MYH13: variants seen among roughly 807,000 people sequenced by gnomAD.
MYH13 encodes myosin-13.
In MYH13, 177 loss-of-function variants were observed where a neutral mutation model predicts 232.1. The ratio of observed to expected loss-of-function variants is 0.76; its 90% CI spans 0.67 to 0.86. The LOEUF is 0.86. Among genes scored for constraint, MYH13 ranks in the 40% least tolerant of loss-of-function variants. The probability of loss-of-function intolerance (pLI) is 0.00; values close to 1 mark genes in which losing one functional copy is unlikely to be tolerated. For synonymous variants in MYH13, 884 were observed against 923.5 expected, an observed-to-expected ratio of 0.96 and a Z score of 0.78; for missense variants, 2,246 against 2,405.9, an observed-to-expected ratio of 0.93 and a Z score of 1.39.
intron 18 of MYH13, among the ~76,000 whole-genome samples, chr17:10,336,419 G>C (rs1017877072): frequency 2.6e-5 from 4 of 152,106 alleles, no homozygotes; most frequent in African/African-American, 9.7e-5. Context: ...CTTGGCCTCT[G>C]TGGGCAGTGG....
intron 22 of MYH13, among the ~76,000 whole-genome samples, chr17:10,326,121 G>C (rs1473578214): frequency 1.3e-5 from 2 of 152,212 alleles, no homozygotes; most frequent in Non-Finnish European, 2.9e-5. Flanking sequence ...TTTTTCAATA[G>C]CTGGATGAGG....
chr17:10,326,318 T>C (rs925807848), intron 22 of MYH13, among the ~76,000 whole-genome samples: 4 of 152,156 alleles, frequency 2.6e-5, no homozygotes, highest in African/African-American at 9.7e-5. Flanking sequence ...ACTATAGTGA[T>C]TGGGAAAGTG....
In MYH13 at chr17:10,362,474, G is replaced by T. The variant is rs1056173087; in HGVS notation, c.234C>A (p.Phe78Leu). The T allele has an allele frequency of 4.3e-6, 7 of 1,614,168 alleles. No individual in the cohort carries two copies. Among genetic ancestry groups the T allele is most frequent in the Non-Finnish European group, 5.9e-6 (7 of 1,180,028 alleles). Residue 78 changes from phenylalanine (F) to leucine (L), a missense_variant, in exon 4 of 41, where the codon TTC (phenylalanine) becomes TTA (leucine). Coordinates refer to ENST00000252172, the MANE Select transcript of MYH13 (RefSeq NM_003802.3). ...TGTCAAATTTGGGAGGGTTCATGGG[G>T]AAGACCTGGTCATTGTTCAGAGTGA... ...RMLTLNNDQVFPMNPPKFDKI... is the reference protein window; with the variant it reads ...RMLTLNNDQVLPMNPPKFDKI...
At chr17:10,322,573 A>G (rs1180392956) in intron 23 of MYH13, among the ~76,000 whole-genome samples, 1 of 151,084 alleles carries the variant, frequency 6.6e-6, no homozygotes, top group African/African-American at 2.4e-5. Context: ...GAATCTGGCC[A>G]TATTTTCTTT....
At chr17:10,311,023 G>GC in intron 33 of MYH13, 80 bp downstream of exon 33, 1 of 1,559,130 alleles carries the variant, frequency 6.4e-7, no homozygotes, top group South Asian at 1.2e-5. Flanking sequence ...GGCAGGAAAG[G>GC]CCCCATGGGG....
intron 11 of MYH13, among the ~76,000 whole-genome samples, chr17:10,351,661 G>T (rs1158326365): frequency 6.6e-6 from 1 of 152,176 alleles, no homozygotes; most frequent in Non-Finnish European, 1.5e-5. Flanking sequence ...CATACAGGGA[G>T]GGTGTGATAA....
intron 7 of MYH13, among the ~76,000 whole-genome samples, chr17:10,358,246 G>A (rs1243425458): frequency 6.6e-6 from 1 of 152,104 alleles, no homozygotes; most frequent in Non-Finnish European, 1.5e-5. Flanking sequence ...AGCGACCCAG[G>A]GGATGATACA....
intron 35 of MYH13, among the ~76,000 whole-genome samples, chr17:10,307,905 C>G (rs1214356098): frequency 6.6e-6 from 1 of 152,010 alleles, no homozygotes; most frequent in Admixed American, 6.6e-5. Context: ...AATAGTCTTT[C>G]TAAAAGTAAA....
chr17:10,357,156 T>A (rs1211870283), intron 8 of MYH13, among the ~76,000 whole-genome samples: 1 of 152,124 alleles, frequency 6.6e-6, no homozygotes, highest in Non-Finnish European at 1.5e-5. Flanking sequence ...GAGATGGGGT[T>A]TCGTCATGCT....
At position 10,359,651 on chromosome 17, in the gene MYH13, G is replaced by T. The variant is rs186973528; in HGVS notation, c.645+309C>A. ...ACTGGTCCCTGGTATCCAAAGTGGG[G>T]TCAGTTTTGCAGGACTGAGCCCTTA... On this transcript the variant is annotated intron_variant, in intron 7 of 40. Transcript: ENST00000252172. Among the ~76,000 whole-genome samples the T allele has an allele frequency of 3.3e-5, 5 of 152,286 alleles. No homozygotes were observed. The East Asian group carries it at 5.8e-4, about 18-fold the overall frequency.
At chr17:10,359,767 G>A (rs1463075367) in intron 7 of MYH13, among the ~76,000 whole-genome samples, 193 bp downstream of exon 7, 2 of 152,136 alleles carry the variant, frequency 1.3e-5, no homozygotes, top group Non-Finnish European at 2.9e-5. Context: ...GAGAATTAGA[G>A]AATTGTTTGG....
At chr17:10,346,201 C>T (rs759967831) in intron 13 of MYH13, among the ~76,000 whole-genome samples, 2 of 152,148 alleles carry the variant, frequency 1.3e-5, no homozygotes, top group Admixed American at 6.5e-5. Context: ...CCTGGCCACA[C>T]TTAATTAGAC....
intron 35 of MYH13, 129 bp downstream of exon 35, chr17:10,309,104 TG>T: frequency 1.1e-6 from 1 of 910,014 alleles, no homozygotes; most frequent in Non-Finnish European, 1.6e-6. Flanking sequence ...ACCACTAGTC[TG>T]GGAGAAACCG....
rs1907329394 is a variant in MYH13, at chr17:10,329,228, G to C, written c.2436-1107C>G. Among the ~76,000 whole-genome samples the C allele has an allele frequency of 2.0e-5, 3 of 152,240 alleles. No individual in the cohort carries two copies. The East Asian group carries it at 5.8e-4, about 29-fold the overall frequency. On this transcript the variant is annotated intron_variant, in intron 21 of 40. Transcript: ENST00000252172. ...CTCTGACAGTTAGAGCCACACAGGGGATCAGGGAACCAGGGAGAACAGGCT... is the reference window on the plus strand; with the variant it reads ...CTCTGACAGTTAGAGCCACACAGGGCATCAGGGAACCAGGGAGAACAGGCT...
intron 8 of MYH13, among the ~76,000 whole-genome samples, chr17:10,356,567 T>C (rs527625931): frequency 8.8e-4 from 134 of 152,332 alleles, no homozygotes; most frequent in African/African-American, 3.1e-3. Flanking sequence ...AGGAGTTTAT[T>C]TGGGCACTGG....
chr17:10,343,346 T>C (rs1208452416), intron 16 of MYH13, among the ~76,000 whole-genome samples: 1 of 152,038 alleles, frequency 6.6e-6, no homozygotes, highest in Non-Finnish European at 1.5e-5. Flanking sequence ...TACAGGTATG[T>C]GCCACCACAC....
chr17:10,317,254 A>G (rs1906749166), intron 27 of MYH13, among the ~76,000 whole-genome samples: 1 of 152,130 alleles, frequency 6.6e-6, no homozygotes, highest in Non-Finnish European at 1.5e-5. Context: ...GGAGGGGAAC[A>G]TTTACAGAAC....
chr17:10,338,805 A>G (rs1327925087), intron 18 of MYH13, among the ~76,000 whole-genome samples: 2 of 150,154 alleles, frequency 1.3e-5, no homozygotes, highest in South Asian at 2.1e-4. Context: ...GGTTCACGCC[A>G]TTCTCCTGCC....
Position 10,315,993 on chromosome 17 carries a change from T to A in MYH13, c.3771A>T (p.Glu1257Asp). ...SNIERTCRTV[E>D]DQFSEIKAKD... ...TGGCTTTGATTTCACTAAATTGATC[T>A]TCTACCGTCCGGCACGTTCTTTCTA... The change falls in exon 28 of 41, where the codon GAA becomes GAT. Residue 1257 changes from glutamate to aspartate, a missense_variant. Glu to Asp is a conservative substitution (Grantham distance 45). Coordinates refer to ENST00000252172, the MANE Select transcript of MYH13 (RefSeq NM_003802.3). The A allele has an allele frequency of 6.2e-7, 1 of 1,614,056 alleles. No homozygotes were observed. The highest frequency in any genetic ancestry group is 8.5e-7 in the Non-Finnish European group (1 of 1,179,896).
Sources: allele counts gnomAD v4.1 joint callset (sites outside exome capture counted in the v4.1 genomes callset), GRCh38; gene constraint gnomAD v4.1.1; transcripts MANE v1.5; gene names NCBI Gene and HGNC (gene_info 2026-07-23, HGNC 2026-07-21).